TAF15: variants seen among roughly 807,000 people sequenced by gnomAD.
TAF15 encodes TATA-binding protein-associated factor 2N.
TAF15 carries 37 observed loss-of-function variants against 102.5 expected under a neutral mutation model. The observed-to-expected ratio is 0.36, with a 90% CI of 0.28 to 0.47. The LOEUF (loss-of-function observed/expected upper bound fraction) is 0.47, where lower values mean the gene tolerates loss of function less well. TAF15 is among the 20% of genes least tolerant of loss of function. The probability of loss-of-function intolerance (pLI) is 0.99; values close to 1 mark genes in which losing one functional copy is unlikely to be tolerated. For missense variants in TAF15, 652 were observed against 760.7 expected, an observed-to-expected ratio of 0.86 and a Z score of 1.68; for synonymous variants, 273 against 259.2, an observed-to-expected ratio of 1.05 and a Z score of -0.51.
chr17:35,830,603 A>G (rs549324722), intron 7 of TAF15, among the ~76,000 whole-genome samples: 1 of 152,292 alleles, frequency 6.6e-6, no homozygotes, highest in Non-Finnish European at 1.5e-5. Flanking sequence ...CTTGAAGGTT[A>G]TTTTCTGTAT....
Position 35,846,997 on chromosome 17 carries a change from C to A in TAF15, c.*52C>A, listed in dbSNP as rs188344184. ...CTGACATGATCCATAGTGAAATTGC[C>A]AGAGTTTTGCCTGCTGCTTTCCTCG... is the stretch of plus-strand genomic sequence containing the variant. On this transcript the variant is annotated 3_prime_UTR_variant, in exon 16 of 16. Coordinates refer to ENST00000605844, the MANE Select transcript of TAF15 (RefSeq NM_139215.3). 1.9e-6 allele frequency: 3 copies of A among 1,602,644 alleles called. No individual in the cohort carries two copies. In the East Asian group the frequency reaches 6.7e-5, roughly 36 times the overall value.
Position 35,817,747 on chromosome 17 carries a change from G to A in TAF15, c.39G>A (p.Glu13=). 6.2e-7 allele frequency: 1 copy of A among 1,613,460 alleles called. No homozygotes were observed. The highest frequency in any genetic ancestry group is 8.5e-7 in the Non-Finnish European group (1 of 1,179,470). ...GAAGTTACGGTCAGTCTGGGGGTGA[G>A]CAGCAAAGGTAAAGTATACATACAT... ...DSGSYGQSGG[E]QQSYSTYGNP... is the part of the protein sequence containing the mutation. Residue 13 remains glutamate (E), a synonymous_variant, in exon 2 of 16, where the codon GAG becomes GAA. Transcript: ENST00000605844.
At chr17:35,845,636 A>T (rs946867845) in intron 15 of TAF15, among the ~76,000 whole-genome samples, 1 of 152,130 alleles carries the variant, frequency 6.6e-6, no homozygotes, top group South Asian at 2.1e-4. Context: ...CAGCCTCCCA[A>T]GTAGCTGGGA....
intron 7 of TAF15, among the ~76,000 whole-genome samples, chr17:35,832,195 C>T (rs2087415994): frequency 6.6e-6 from 1 of 152,178 alleles, no homozygotes. Flanking sequence ...CAGTGATATA[C>T]ATGTCATTTA....
Position 35,843,974 on chromosome 17 carries a change from T to C in TAF15, c.1007-103T>C, listed in dbSNP as rs1044415393. 6.0e-6 allele frequency: 6 copies of C among 1,007,758 alleles called. No homozygotes were observed. In the Admixed American group the frequency reaches 1.0e-4, roughly 17 times the overall value. The allele number at this position is 1,007,758 out of a possible 1,614,324, so 62.4% of individuals were successfully genotyped here. ...TATAAGGGGTTAATTTGCAGAGTGC[T>C]GCCTAAGTATTGATGGGTATCTACT... On this transcript the variant is annotated intron_variant, in intron 12 of 15. Transcript: ENST00000605844.
chr17:35,821,908 A>C (rs2087263449), intron 5 of TAF15, among the ~76,000 whole-genome samples: 1 of 152,234 alleles, frequency 6.6e-6, no homozygotes, highest in Non-Finnish European at 1.5e-5. Flanking sequence ...AAAATATTTT[A>C]AGAGAAGACA....
chr17:35,844,850 A>T lies in TAF15; in HGVS notation c.1551A>T (p.Gly517=). 6.2e-7 allele frequency: 1 copy of T among 1,601,534 alleles called. No individual in the cohort carries two copies. The highest frequency in any genetic ancestry group is 1.1e-5 in the South Asian group (1 of 90,568). The change falls in exon 15 of 16, where the codon GGA becomes GGT. Residue 517 remains glycine, a synonymous_variant. Transcript: ENST00000605844. ...GYGGDRGGYG[G]DRGGYGGDRS... is the part of the protein sequence containing the mutation. ...GAGGAGATCGAGGAGGTTATGGAGG[A>T]GATCGAGGAGGCTATGGAGGAGACA...
chr17:35,827,335 C>CA (rs745381454), intron 7 of TAF15, among the ~76,000 whole-genome samples: 3,452 of 66,866 alleles, frequency 0.052, 47 homozygotes, highest in Non-Finnish European at 0.062. Flanking sequence ...GACTCCGTCG[C>CA]AAAAAAAAAA....
chr17:35,819,648 T>C (rs1259077596), intron 2 of TAF15, among the ~76,000 whole-genome samples: 2 of 152,242 alleles, frequency 1.3e-5, no homozygotes, highest in African/African-American at 4.8e-5. Context: ...GGTGTTCATT[T>C]TTTGTGTAGT....
intron 7 of TAF15, among the ~76,000 whole-genome samples, chr17:35,827,161 G>A (rs894568045): frequency 5.3e-5 from 8 of 151,754 alleles, no homozygotes; most frequent in African/African-American, 1.7e-4. Context: ...GGAGGCCGAG[G>A]CATTTCCACT....
At chr17:35,833,331 T>C (rs561912729) in intron 7 of TAF15, among the ~76,000 whole-genome samples, 6 of 152,268 alleles carry the variant, frequency 3.9e-5, no homozygotes, top group African/African-American at 1.4e-4. Flanking sequence ...CTTTTAGTCT[T>C]TTATAAGGGT....
intron 11 of TAF15, 105 bp from the exon 12 acceptor site, chr17:35,842,262 G>A: frequency 1.2e-6 from 1 of 808,536 alleles, no homozygotes. Context: ...GTGAGGACAT[G>A]TCAGTTACTC....
chr17:35,843,805 A>G lies in TAF15; in HGVS notation c.1007-272A>G, dbSNP rs78579183. ...CTTTTGGTCCCAAGTATTTGGGGGA[A>G]GGGATACTCAACCTGTATTACAGAA... On this transcript the variant is annotated intron_variant, in intron 12 of 15. Coordinates refer to ENST00000605844, the MANE Select transcript of TAF15 (RefSeq NM_139215.3). Among the ~76,000 whole-genome samples, 365 of 152,332 alleles carry G rather than the reference A, an allele frequency of 2.4e-3. 2 individuals are homozygous for G. The highest frequency in any genetic ancestry group is 8.2e-3 in the African/African-American group (342 of 41,572).
chr17:35,827,568 C>T (rs2087346406), intron 7 of TAF15, among the ~76,000 whole-genome samples: 2 of 151,698 alleles, frequency 1.3e-5, no homozygotes, highest in South Asian at 2.1e-4. Flanking sequence ...TAGCTGGACA[C>T]GATGGTGGGT....
In TAF15 at chr17:35,836,254, A is replaced by C; in HGVS notation, c.783+13A>C. On this transcript the variant is annotated intron_variant, in intron 10 of 15. Transcript: ENST00000605844. ...AGGAATTATCAAGGTGAGTAAAAATATTATATGTTGAAAATCTCATAATTA... is the reference window on the plus strand; with the variant it reads ...AGGAATTATCAAGGTGAGTAAAAATCTTATATGTTGAAAATCTCATAATTA... The C allele has an allele frequency of 1.3e-6, 2 of 1,516,982 alleles. No individual in the cohort carries two copies. Among genetic ancestry groups the C allele is most frequent in the Middle Eastern group, 1.8e-4 (1 of 5,610 alleles). The allele number at this position is 1,516,982 out of a possible 1,614,324, so 94.0% of individuals were successfully genotyped here. A position where few individuals can be genotyped will look rare whatever the true frequency, so the allele number is the denominator to read the frequency against.
At chr17:35,820,565 G>A in intron 5 of TAF15, 128 bp downstream of exon 5, 1 of 763,152 alleles carries the variant, frequency 1.3e-6, no homozygotes, top group East Asian at 2.7e-5. Flanking sequence ...AATGGAGTGT[G>A]GATTTTACAA....
intron 1 of TAF15, chr17:35,809,885 A>G: frequency 1.8e-6 from 1 of 557,566 alleles, no homozygotes; most frequent in Middle Eastern, 4.8e-4. Context: ...CGTCTACGCC[A>G]TCGTAGGGGC....
chr17:35,839,335 A>C (rs956525642), intron 11 of TAF15, among the ~76,000 whole-genome samples: 2 of 149,224 alleles, frequency 1.3e-5, no homozygotes, highest in African/African-American at 4.9e-5. Context: ...ATTTCCCTTC[A>C]AATATAAAGT....
At chr17:35,820,522 C>A in intron 5 of TAF15, 85 bp downstream of exon 5, 3 of 1,307,358 alleles carry the variant, frequency 2.3e-6, no homozygotes, top group African/African-American at 1.5e-5. Context: ...AAAATCCTAG[C>A]TTTAAACTTT....
Sources: allele counts gnomAD v4.1 joint callset (sites outside exome capture counted in the v4.1 genomes callset), GRCh38; gene constraint gnomAD v4.1.1; transcripts MANE v1.5; gene names NCBI Gene and HGNC (gene_info 2026-07-23, HGNC 2026-07-21).